STRIP2: variants seen among roughly 807,000 people sequenced by gnomAD.
The protein encoded by STRIP2 is striatin interacting protein 2, also known as striatin-interacting protein 2.
Under a neutral mutation model 107.1 loss-of-function variants are expected in STRIP2, and 84 were observed. The observed-to-expected ratio is 0.78, with a 90% CI of 0.66 to 0.94. The LOEUF (loss-of-function observed/expected upper bound fraction) is 0.94. Among genes scored for constraint, STRIP2 ranks in the 40% least tolerant of loss-of-function variants. The probability of loss-of-function intolerance (pLI) is 0.00; values close to 1 mark genes in which losing one functional copy is unlikely to be tolerated. For synonymous variants in STRIP2, 394 were observed against 400.4 expected (o/e 0.98, Z 0.19); for missense variants, 888 against 1,034.2 (o/e 0.86, Z 1.94).
chr7:129,455,284 C>G lies in STRIP2; in HGVS notation c.747C>G (p.Leu249=), dbSNP rs1798313134. The stretch of plus-strand genomic sequence containing the variant: ...ATGAGGAGCCTTTTGCCCTTTTACT[C>G]TTCTCCATGGTTACCAAGTTCTGCA... ...MHNEEPFALL[L]FSMVTKFCSG... The change falls in exon 8 of 21, where the codon CTC becomes CTG. Residue 249 remains leucine, a synonymous_variant. Transcript: ENST00000249344. 6.2e-7 allele frequency: 1 copy of G among 1,613,984 alleles called. No individual in the cohort carries two copies. The highest frequency in any genetic ancestry group is 2.2e-5 in the East Asian group (1 of 44,870).
intron 16 of STRIP2, among the ~76,000 whole-genome samples, chr7:129,466,410 A>G (rs934418500): frequency 2.0e-5 from 3 of 152,186 alleles, no homozygotes; most frequent in Non-Finnish European, 4.4e-5. Context: ...TGCTCTAACT[A>G]CATACCCAGG....
intron 13 of STRIP2, 95 bp downstream of exon 13, chr7:129,460,467 T>G (rs1457225020): frequency 9.7e-7 from 1 of 1,026,346 alleles, no homozygotes; most frequent in East Asian, 2.5e-5. Context: ...TTCAGCATAT[T>G]AGGCTGTAAC....
intron 1 of STRIP2, 113 bp downstream of exon 1, chr7:129,434,714 G>A: frequency 8.1e-7 from 1 of 1,235,778 alleles, no homozygotes; most frequent in Non-Finnish European, 1.1e-6. Context: ...GATCAGCCCC[G>A]CGCAGTGGGC....
intron 13 of STRIP2, among the ~76,000 whole-genome samples, chr7:129,462,055 G>A (rs764148523): frequency 9.2e-5 from 14 of 152,202 alleles, no homozygotes; most frequent in Non-Finnish European, 1.6e-4. Flanking sequence ...GTGTGTGCCT[G>A]TCTGATTGCT....
Position 129,464,600 on chromosome 7 carries a change from T to C in STRIP2, c.1650-12T>C. On this transcript the variant is annotated splice_polypyrimidine_tract_variant and intron_variant, in intron 15 of 20. Transcript: ENST00000249344. ...CCACTCTCTGCACTAATACCTTCTC[T>C]CCCCATTGTAGCATCACTGTTCTCC... 6.2e-7 allele frequency: 1 copy of C among 1,613,808 alleles called. No individual in the cohort carries two copies. The highest frequency in any genetic ancestry group is 2.2e-5 in the East Asian group (1 of 44,866).
At chr7:129,443,981 T>G (rs1354581687) in intron 2 of STRIP2, 43 bp from the exon 3 acceptor site, 8 of 1,518,538 alleles carry the variant, frequency 5.3e-6, no homozygotes, top group Non-Finnish European at 7.3e-6. Context: ...GCCTCTTCTT[T>G]AAGGATCTCC....
Position 129,454,230 on chromosome 7 carries a change from G to A in STRIP2, c.599+20G>A, listed in dbSNP as rs1230505181. ...GCTCAGGTGAGTGGGGCTAACTATGGGCTTGGAACAGGGCAGATGATTAGC... is the reference window on the plus strand; with the variant it reads ...GCTCAGGTGAGTGGGGCTAACTATGAGCTTGGAACAGGGCAGATGATTAGC... On this transcript the variant is annotated intron_variant, in intron 6 of 20. Transcript: ENST00000249344. 2 of 1,613,194 alleles carry A rather than the reference G, an allele frequency of 1.2e-6. No individual in the cohort carries two copies. The highest frequency in any genetic ancestry group is 2.2e-5 in the South Asian group (2 of 91,042).
chr7:129,480,885 C>T lies in STRIP2; in HGVS notation c.2045C>T (p.Thr682Ile), dbSNP rs765787750. ...NKLTKWKHSR[T>I]MMLVVFKSAP... ...CTGACCAAATGGAAACATTCCCGGA[C>T]CATGGTGAGTGTGGTTTTTTACATC... Residue 682 changes from threonine to isoleucine, a missense_variant, in exon 19 of 21, where the codon ACC becomes ATC. By Grantham distance (89) the Thr-to-Ile change is moderately conservative. Coordinates refer to ENST00000249344, the MANE Select transcript of STRIP2 (RefSeq NM_020704.3). 1.9e-6 allele frequency: 3 copies of T among 1,609,902 alleles called. No individual in the cohort carries two copies. Among genetic ancestry groups the T allele is most frequent in the Non-Finnish European group, 2.5e-6 (3 of 1,178,622 alleles).
intron 18 of STRIP2, among the ~76,000 whole-genome samples, chr7:129,476,092 G>A (rs1051501735): frequency 2.0e-5 from 3 of 152,134 alleles, no homozygotes; most frequent in South Asian, 2.1e-4. Flanking sequence ...CCTCCCAGAG[G>A]GGGTGGCGGC....
chr7:129,456,584 G>A lies in STRIP2; in HGVS notation c.980G>A (p.Gly327Glu), dbSNP rs768820538. ...ASPPSYTLDL[G>E]ESQLAPPPSK... ...CCGCCCTCTTACACTCTTGACCTGG[G>A]AGAGTCTCAGCTGGCACCCCCACCC... is the stretch of plus-strand genomic sequence containing the variant. The change falls in exon 9 of 21, where the codon GGA (glycine) becomes GAA (glutamate). Residue 327 changes from glycine to glutamate, a missense_variant. Physicochemically the swap from Gly to Glu is moderately conservative, Grantham distance 98. Coordinates refer to ENST00000249344, the MANE Select transcript of STRIP2 (RefSeq NM_020704.3). 45 of 1,613,958 alleles carry A rather than the reference G, an allele frequency of 2.8e-5. No individual in the cohort carries two copies. The highest frequency in any genetic ancestry group is 5.0e-5 in the Admixed American group (3 of 59,988).
chr7:129,447,441 C>T (rs879924413), intron 3 of STRIP2, among the ~76,000 whole-genome samples: 8 of 152,180 alleles, frequency 5.3e-5, no homozygotes, highest in South Asian at 2.1e-4. Flanking sequence ...ATTTATTTCC[C>T]GTCCTCTGGC....
intron 3 of STRIP2, among the ~76,000 whole-genome samples, chr7:129,447,101 C>A (rs1214400226): frequency 6.6e-6 from 1 of 152,210 alleles, no homozygotes; most frequent in Non-Finnish European, 1.5e-5. Flanking sequence ...GCCGCTGACA[C>A]CTCAAGCACC....
In STRIP2 at chr7:129,470,681, T is replaced by A; in HGVS notation, c.1910T>A (p.Ile637Asn). Residue 637 changes from isoleucine to asparagine, a missense_variant, in exon 18 of 21, where the codon ATC becomes AAC. Ile to Asn is a moderately radical substitution (Grantham distance 149). Coordinates refer to ENST00000249344, the MANE Select transcript of STRIP2 (RefSeq NM_020704.3). The part of the protein sequence containing the change: ...ISVLDYPCCT[I>N]QDLPELTTES... Reference sequence around the variant, plus strand: ...GTCCTGGATTATCCTTGCTGTACCATCCAGGATTTGCCGGAGCTTACTACT... The same window carrying A: ...GTCCTGGATTATCCTTGCTGTACCAACCAGGATTTGCCGGAGCTTACTACT... 6.2e-7 allele frequency: 1 copy of A among 1,614,088 alleles called. No individual in the cohort carries two copies. The highest frequency in any genetic ancestry group is 8.5e-7 in the Non-Finnish European group (1 of 1,179,908).
intron 1 of STRIP2, among the ~76,000 whole-genome samples, chr7:129,437,609 G>A (rs1357696572): frequency 1.3e-5 from 2 of 151,880 alleles, no homozygotes; most frequent in East Asian, 1.9e-4. Context: ...TTTAATGGCT[G>A]TTCTTTATTC....
chr7:129,456,646 T>A lies in STRIP2; in HGVS notation c.1038+4T>A. ...AGGCCGCCGTGGCTCTCGAAGGGTA[T>A]GGACTGAAGCAGACAATGGTATTGG... is the stretch of plus-strand genomic sequence containing the variant. On this transcript the variant is annotated splice_donor_region_variant and intron_variant, in intron 9 of 20. Transcript: ENST00000249344. 6.2e-7 allele frequency: 1 copy of A among 1,613,190 alleles called. No homozygotes were observed. Among genetic ancestry groups the A allele is most frequent in the East Asian group, 2.2e-5 (1 of 44,878 alleles).
Position 129,458,588 on chromosome 7 carries a change from G to A in STRIP2, c.1275-124G>A. The A allele has an allele frequency of 7.8e-7, 1 of 1,290,012 alleles. No homozygotes were observed. Among genetic ancestry groups the A allele is most frequent in the Non-Finnish European group, 1.1e-6 (1 of 918,568 alleles). The allele number at this position is 1,290,012 out of a possible 1,614,324, so 79.9% of individuals were successfully genotyped here. A position where few individuals can be genotyped will look rare whatever the true frequency, so the allele number is the denominator to read the frequency against. ...TCCTGGGTTTGAAATTCCTTCTGTT[G>A]ATTGCTGCCTTTTTCCACTGCTCCA... On this transcript the variant is annotated intron_variant, in intron 10 of 20. Coordinates refer to ENST00000249344, the MANE Select transcript of STRIP2 (RefSeq NM_020704.3). The surrounding 1 kb of genome is among the most constrained non-coding windows in gnomAD (Gnocchi z 4.6).
In STRIP2 at chr7:129,486,528, C is replaced by T. The variant is rs751161542; in HGVS notation, c.*699C>T. ...GAATGCTCTGCCATTTTTAAAGAGC[C>T]ACAACCAATATGAAATAATTAGGTC... On this transcript the variant is annotated 3_prime_UTR_variant, in exon 21 of 21. Coordinates refer to ENST00000249344, the MANE Select transcript of STRIP2 (RefSeq NM_020704.3). 27 of 152,160 alleles carry T rather than the reference C, an allele frequency of 1.8e-4. No homozygotes were observed. The highest frequency in any genetic ancestry group is 3.7e-4 in the Non-Finnish European group (25 of 68,050). 9.4% of individuals were successfully genotyped at this position (152,160 alleles called of 1,614,324 possible).
rs1338703663 is a variant in STRIP2, at chr7:129,485,940, T to A, written c.*111T>A. 7.9e-7 allele frequency: 1 copy of A among 1,261,928 alleles called. No individual in the cohort carries two copies. The allele number at this position is 1,261,928 out of a possible 1,614,324, so 78.2% of individuals were successfully genotyped here. On this transcript the variant is annotated 3_prime_UTR_variant, in exon 21 of 21. Coordinates refer to ENST00000249344, the MANE Select transcript of STRIP2 (RefSeq NM_020704.3). ...ACCAGTTCAGGGCTCTTCTGGGGGC[T>A]CTTGGGCCTAAAGATGGTGCAAGGG...
At chr7:129,460,404 G>T (rs1203597563) in intron 13 of STRIP2, 32 bp downstream of exon 13, 3 of 1,590,022 alleles carry the variant, frequency 1.9e-6, no homozygotes, top group South Asian at 1.1e-5. Flanking sequence ...CAGGAGGAGA[G>T]TAGAAGAAAA....
Sources: gnomAD v4.1 joint callset for allele counts (sites outside exome capture counted in the v4.1 genomes callset) on GRCh38, gnomAD v4.1.1 for gene constraint, Gnocchi (gnomAD v3.1) non-coding constraint, MANE v1.5 for transcripts, NCBI Gene and HGNC (gene_info 2026-07-23, HGNC 2026-07-21) for gene names.